Variants in CCSER1 observed in about 807,000 individuals in gnomAD.
CCSER1 encodes the protein serine-rich coiled-coil domain-containing protein 1.
CCSER1 carries 41 observed loss-of-function variants against 82.0 expected under a neutral mutation model. The observed-to-expected ratio is 0.50, with a 90% confidence interval of 0.39 to 0.65. The LOEUF is 0.65. Ranked by LOEUF, CCSER1 falls within the 30% of genes least tolerant of loss-of-function variation. CCSER1 has a pLI of 0.00. For missense variants in CCSER1, 1,119 were observed against 1,064.2 expected (o/e 1.05, Z -0.72); for synonymous variants, 414 against 383.9 (o/e 1.08, Z -0.92).
intron 9 of CCSER1, among the ~76,000 whole-genome samples, chr4:91,056,273 T>C (rs1187443260): frequency 6.6e-6 from 1 of 152,020 alleles, no homozygotes; most frequent in Non-Finnish European, 1.5e-5. Context: ...ATTTTGTGAT[T>C]CTATGACAGA....
At chr4:91,079,867 C>G (rs908990612) in intron 9 of CCSER1, among the ~76,000 whole-genome samples, 1 of 152,150 alleles carries the variant, frequency 6.6e-6, no homozygotes, top group African/African-American at 2.4e-5. Flanking sequence ...AAAGAGCTAA[C>G]TATTCTAAAT....
At chr4:90,565,296 C>CTTAAT (rs149999223) in intron 5 of CCSER1, among the ~76,000 whole-genome samples, 71,736 of 151,010 alleles carry the variant, frequency 0.48, 21,425 homozygotes, top group African/African-American at 0.85. Flanking sequence ...AGATTGTTTT[C>CTTAAT]TTATTTTCAG....
intron 3 of CCSER1, among the ~76,000 whole-genome samples, chr4:90,318,177 A>G (rs527309447): frequency 6.6e-6 from 1 of 152,354 alleles, no homozygotes; most frequent in Non-Finnish European, 1.5e-5. Context: ...AAGAATTCAT[A>G]TATACTACAG....
chr4:90,713,175 T>A (rs1432446533), intron 6 of CCSER1, among the ~76,000 whole-genome samples: 5 of 152,076 alleles, frequency 3.3e-5, no homozygotes, highest in African/African-American at 1.2e-4. Flanking sequence ...GTGAATTTGA[T>A]CCCGTCATAA....
chr4:90,178,944 T>A (rs1180369695), intron 1 of CCSER1, among the ~76,000 whole-genome samples: 1 of 152,158 alleles, frequency 6.6e-6, no homozygotes, highest in Non-Finnish European at 1.5e-5. Flanking sequence ...TCCAAGGTGA[T>A]TTTTTTCACC....
chr4:91,543,399 A>G (rs1761712121), intron 10 of CCSER1, among the ~76,000 whole-genome samples: 1 of 152,124 alleles, frequency 6.6e-6, no homozygotes, highest in Admixed American at 6.6e-5. Flanking sequence ...CCTAGCCTCA[A>G]TGGTCTTTAC....
chr4:90,530,558 A>C (rs557037434), intron 5 of CCSER1, among the ~76,000 whole-genome samples: 1 of 152,314 alleles, frequency 6.6e-6, no homozygotes, highest in African/African-American at 2.4e-5. Flanking sequence ...AAGGGATGGA[A>C]TATTCATGGA....
chr4:90,389,431 A>G (rs1647911106), intron 3 of CCSER1, among the ~76,000 whole-genome samples: 1 of 152,230 alleles, frequency 6.6e-6, no homozygotes, highest in African/African-American at 2.4e-5. Context: ...AATAACCAAC[A>G]TATTATAAAA....
intron 10 of CCSER1, among the ~76,000 whole-genome samples, chr4:91,159,861 A>G (rs977817130): frequency 2.0e-5 from 3 of 151,960 alleles, no homozygotes; most frequent in African/African-American, 7.2e-5. Context: ...ATGAATAAAT[A>G]TATTATGAAA....
At chr4:91,412,097 C>T (rs1753087472) in intron 10 of CCSER1, among the ~76,000 whole-genome samples, 1 of 152,132 alleles carries the variant, frequency 6.6e-6, no homozygotes, top group Admixed American at 6.6e-5. Flanking sequence ...TCAGGAAACT[C>T]CAGTGGAGCC....
intron 10 of CCSER1, among the ~76,000 whole-genome samples, chr4:91,567,713 T>G (rs1435622743): frequency 2.6e-5 from 4 of 152,126 alleles, no homozygotes; most frequent in Admixed American, 2.6e-4. Flanking sequence ...TTTTTTTCTA[T>G]TTTCCATTTT....
chr4:90,816,930 G>A (rs921873942), intron 8 of CCSER1, among the ~76,000 whole-genome samples: 7 of 152,056 alleles, frequency 4.6e-5, no homozygotes, highest in Non-Finnish European at 1.0e-4. Context: ...TTCTAGGATT[G>A]GATTGATGCT....
At chr4:91,407,369 T>TACGCATCCTGTAC (rs111894074) in intron 10 of CCSER1, among the ~76,000 whole-genome samples, 1 of 152,174 alleles carries the variant, frequency 6.6e-6, no homozygotes, top group African/African-American at 2.4e-5. Flanking sequence ...CATGTATTTA[T>TACGCATCCTGTAC]ACGCATCCTG....
chr4:90,628,572 T>C (rs1723764184), intron 6 of CCSER1, among the ~76,000 whole-genome samples: 1 of 152,242 alleles, frequency 6.6e-6, no homozygotes, highest in African/African-American at 2.4e-5. Context: ...CTATTAAATG[T>C]ATTTCACATC....
At chr4:90,192,212 G>A (rs1398563369) in intron 1 of CCSER1, among the ~76,000 whole-genome samples, 1 of 151,978 alleles carries the variant, frequency 6.6e-6, no homozygotes, top group Non-Finnish European at 1.5e-5. Flanking sequence ...GAGAGCTTGT[G>A]CAGGAAAACT....
chr4:90,509,373 G>T (rs1191797585), intron 5 of CCSER1, among the ~76,000 whole-genome samples: 1 of 152,068 alleles, frequency 6.6e-6, no homozygotes, highest in East Asian at 1.9e-4. Flanking sequence ...AGAATAATAA[G>T]AGTGATGCAT....
intron 10 of CCSER1, among the ~76,000 whole-genome samples, chr4:91,521,711 A>G (rs1327767355): frequency 1.3e-5 from 2 of 152,118 alleles, no homozygotes; most frequent in Non-Finnish European, 2.9e-5. Flanking sequence ...TTCTTTGCCC[A>G]CTTTTTGATG....
At chr4:90,201,101 G>T (rs1737611944) in intron 1 of CCSER1, among the ~76,000 whole-genome samples, 1 of 152,142 alleles carries the variant, frequency 6.6e-6, no homozygotes, top group African/African-American at 2.4e-5. Flanking sequence ...CCAATTCTTA[G>T]AGTGCATGCT....
intron 8 of CCSER1, among the ~76,000 whole-genome samples, chr4:90,906,795 A>G (rs889358774): frequency 6.6e-6 from 1 of 151,884 alleles, no homozygotes; most frequent in Non-Finnish European, 1.5e-5. Flanking sequence ...GGTTTTTTTT[A>G]ATGAGAATAA....
Sources: allele counts gnomAD v4.1 joint callset (sites outside exome capture counted in the v4.1 genomes callset), GRCh38; gene constraint gnomAD v4.1.1; transcripts MANE v1.5; gene names NCBI Gene and HGNC (gene_info 2026-07-23, HGNC 2026-07-21).